The following ADAMTS18 variants were observed in gnomAD, a reference collection of about 807,000 sequenced individuals.
ADAMTS18 encodes A disintegrin and metalloproteinase with thrombospondin motifs 18.
ADAMTS18 carries 157 observed loss-of-function variants against 165.9 expected under a neutral mutation model. That is an observed-to-expected ratio of 0.95 (90% confidence interval 0.83 to 1.08). The LOEUF (loss-of-function observed/expected upper bound fraction) is 1.08. Among genes scored for constraint, ADAMTS18 ranks in the 50% least tolerant of loss-of-function variants. The pLI is 0.00. For missense variants in ADAMTS18, 2,040 were observed against 1,534.0 expected (o/e 1.33, Z -5.51); for synonymous variants, 782 against 578.2 (o/e 1.35, Z -5.06).
chr16:77,391,922 G>C lies in ADAMTS18; in HGVS notation c.496-24199C>G, dbSNP rs541588381. On this transcript the variant is annotated intron_variant, in intron 3 of 22. Coordinates refer to ENST00000282849, the MANE Select transcript of ADAMTS18 (RefSeq NM_199355.4). ...AAGGTGGTTTGGTGAAACAGACAGA[G>C]GTGCTCTAACTTTAATAAATGTAAT... 2.6e-5 allele frequency among the ~76,000 whole-genome samples: 4 copies of C among 152,226 alleles called. No homozygotes were observed. The East Asian group carries it at 7.7e-4, about 29-fold the overall frequency.
intron 3 of ADAMTS18, among the ~76,000 whole-genome samples, chr16:77,392,502 C>A (rs1348458969): frequency 3.9e-5 from 6 of 152,146 alleles, no homozygotes; most frequent in Non-Finnish European, 8.8e-5. Flanking sequence ...TCCCTGAACA[C>A]CCTGTATGAA....
chr16:77,374,727 A>G (rs1363010395), intron 3 of ADAMTS18, among the ~76,000 whole-genome samples: 1 of 152,184 alleles, frequency 6.6e-6, no homozygotes. Flanking sequence ...ACTCAAATGC[A>G]TAGAGAAAAC....
intron 3 of ADAMTS18, among the ~76,000 whole-genome samples, chr16:77,373,202 T>C (rs1456101803): frequency 1.3e-5 from 2 of 152,120 alleles, no homozygotes; most frequent in Non-Finnish European, 2.9e-5. Context: ...TTGAAAATTA[T>C]CCTCTCAGCC....
At chr16:77,355,838 G>C in intron 9 of ADAMTS18, 102 bp downstream of exon 9, 1 of 1,373,002 alleles carries the variant, frequency 7.3e-7, no homozygotes. Flanking sequence ...TTTATTGACA[G>C]GTCAAAAGGT....
chr16:77,359,155 C>T (rs2056673793), intron 8 of ADAMTS18, among the ~76,000 whole-genome samples, 163 bp downstream of exon 8: 1 of 152,204 alleles, frequency 6.6e-6, no homozygotes, highest in Non-Finnish European at 1.5e-5. Flanking sequence ...AAATCAACAA[C>T]AGCTAGCCTT....
intron 3 of ADAMTS18, among the ~76,000 whole-genome samples, chr16:77,373,424 A>AC: frequency 6.6e-6 from 1 of 150,854 alleles, no homozygotes. Context: ...ACACCACTGC[A>AC]CTCCAGCCTG....
At chr16:77,411,426 A>T (rs1352962351) in intron 3 of ADAMTS18, among the ~76,000 whole-genome samples, 1 of 152,138 alleles carries the variant, frequency 6.6e-6, no homozygotes, top group East Asian at 1.9e-4. Context: ...GACATATTTC[A>T]TGAGTCAGTA....
At chr16:77,387,114 T>A (rs539576778) in intron 3 of ADAMTS18, among the ~76,000 whole-genome samples, 2 of 152,210 alleles carry the variant, frequency 1.3e-5, no homozygotes, top group Non-Finnish European at 2.9e-5. Context: ...CAAATGCACA[T>A]GCGGTTAACT....
At chr16:77,417,281 G>C (rs189569231) in intron 3 of ADAMTS18, among the ~76,000 whole-genome samples, 225 of 152,192 alleles carry the variant, frequency 1.5e-3, no homozygotes, top group Non-Finnish European at 2.5e-3. Context: ...TGGATAGCTG[G>C]GTGGGTGAGT....
chr16:77,290,330 C>G (rs939786482), intron 21 of ADAMTS18, among the ~76,000 whole-genome samples: 2 of 152,170 alleles, frequency 1.3e-5, no homozygotes, highest in African/African-American at 4.8e-5. Context: ...TGGCTACATT[C>G]CAGTTAAACT....
chr16:77,285,652 C>A (rs1285789422), intron 22 of ADAMTS18, among the ~76,000 whole-genome samples: 2 of 152,180 alleles, frequency 1.3e-5, no homozygotes, highest in Non-Finnish European at 2.9e-5. Flanking sequence ...TATTACTATT[C>A]TGTCAGTATA....
rs1355221768 is a variant in ADAMTS18, at chr16:77,283,216, TTTATCTTTTCTATG to T, written c.*726_*739del. The T allele has an allele frequency of 1.3e-5, 2 of 152,598 alleles. No individual in the cohort carries two copies. The highest frequency in any genetic ancestry group is 6.6e-5 in the Admixed American group (1 of 15,260). 9.5% of individuals were successfully genotyped at this position (152,598 alleles called of 1,614,324 possible). Reference sequence around the variant, plus strand: ...TGATAACATGTGAAGGGCATCCATATTTATCTTTTCTATGAGTTGTTTCCTTGCATGAATTTCAA... The same window carrying T: ...TGATAACATGTGAAGGGCATCCATATAGTTGTTTCCTTGCATGAATTTCAA... On this transcript the variant is annotated 3_prime_UTR_variant, in exon 23 of 23. Transcript: ENST00000282849.
At chr16:77,344,744 A>AAAAAC (rs1491300535) in intron 10 of ADAMTS18, among the ~76,000 whole-genome samples, 4 of 43,074 alleles carry the variant, frequency 9.3e-5, no homozygotes, top group African/African-American at 3.1e-4. Context: ...AAAGCAAAAC[A>AAAAAC]AAAAAAAAAA....
chr16:77,347,357 C>T (rs2056492640), intron 10 of ADAMTS18, among the ~76,000 whole-genome samples: 1 of 152,128 alleles, frequency 6.6e-6, no homozygotes, highest in South Asian at 2.1e-4. Context: ...GTAGGTTTAA[C>T]TTTCTACATT....
intron 22 of ADAMTS18, among the ~76,000 whole-genome samples, chr16:77,288,267 C>T (rs889978249): frequency 3.3e-5 from 5 of 151,988 alleles, no homozygotes; most frequent in African/African-American, 7.3e-5. Flanking sequence ...CTGAATCTTT[C>T]TTTGGTAATT....
At chr16:77,374,616 G>A (rs1356826801) in intron 3 of ADAMTS18, among the ~76,000 whole-genome samples, 1 of 152,128 alleles carries the variant, frequency 6.6e-6, no homozygotes, top group East Asian at 1.9e-4. Context: ...TCCTTACTTG[G>A]CTCAACTAAT....
intron 20 of ADAMTS18, 38 bp downstream of exon 20, chr16:77,293,038 C>T: frequency 6.2e-7 from 1 of 1,612,780 alleles, no homozygotes; most frequent in Admixed American, 1.7e-5. Context: ...CCAGGATGGT[C>T]TCAATCTCCT....
At chr16:77,325,510 T>C (rs954614150) in intron 13 of ADAMTS18, among the ~76,000 whole-genome samples, 3 of 152,032 alleles carry the variant, frequency 2.0e-5, no homozygotes, top group African/African-American at 7.2e-5. Context: ...ATGGGGTATA[T>C]ATGGTTTCAT....
In ADAMTS18 at chr16:77,293,243, C is replaced by T; in HGVS notation, c.3022G>A (p.Gly1008Arg). 6.2e-7 allele frequency: 1 copy of T among 1,613,778 alleles called. No homozygotes were observed. The highest frequency in any genetic ancestry group is 8.5e-7 in the Non-Finnish European group (1 of 1,179,956). Reference sequence around the variant, plus strand: ...AGTTCACGCTTCCTCACCCCTCGTCCACAGGTCTTGGAACACTTGAGAAGA... The same window carrying T: ...AGTTCACGCTTCCTCACCCCTCGTCTACAGGTCTTGGAACACTTGAGAAGA... ...GPWSQCSKTC[G>R]RGVRKRELLC... Residue 1008 changes from glycine to arginine, a missense_variant, in exon 20 of 23, where the codon GGA becomes AGA. By Grantham distance (125) the Gly-to-Arg change is moderately radical (BLOSUM62 -2). Coordinates refer to ENST00000282849, the MANE Select transcript of ADAMTS18 (RefSeq NM_199355.4).
Sources: allele counts gnomAD v4.1 joint callset (sites outside exome capture counted in the v4.1 genomes callset), GRCh38; gene constraint gnomAD v4.1.1; transcripts MANE v1.5; gene names NCBI Gene and HGNC (gene_info 2026-07-23, HGNC 2026-07-21).